BANK1: variants seen among roughly 807,000 people sequenced by gnomAD.
BANK1 encodes B cell scaffold protein with ankyrin repeats 1, also known as B-cell scaffold protein with ankyrin repeats.
BANK1 carries 95 observed loss-of-function variants against 94.5 expected under a neutral mutation model. The observed-to-expected ratio is 1.00, with a 90% CI of 0.85 to 1.19. BANK1 has a LOEUF of 1.19. Among genes scored for constraint, BANK1 ranks in the 50% most tolerant of loss-of-function variants. BANK1 has a pLI of 0.00. For missense variants in BANK1, 987 were observed against 932.2 expected, an observed-to-expected ratio of 1.06 and a Z score of -0.77; for synonymous variants, 334 against 308.4, an observed-to-expected ratio of 1.08 and a Z score of -0.87.
At chr4:101,938,605 TAA>T (rs1308025709) in intron 7 of BANK1, among the ~76,000 whole-genome samples, 1 of 151,430 alleles carries the variant, frequency 6.6e-6, no homozygotes, top group Non-Finnish European at 1.5e-5. Flanking sequence ...AGATTAAAAG[TAA>T]AAAAGTTACC....
At chr4:102,034,865 C>T (rs891034908) in intron 10 of BANK1, among the ~76,000 whole-genome samples, 9 of 152,176 alleles carry the variant, frequency 5.9e-5, no homozygotes, top group Non-Finnish European at 1.3e-4. Context: ...GAGTACATGG[C>T]ACCACAAATT....
At chr4:102,067,661 T>C (rs763472696) in intron 13 of BANK1, among the ~76,000 whole-genome samples, 31 of 151,740 alleles carry the variant, frequency 2.0e-4, no homozygotes, top group Non-Finnish European at 4.1e-4. Flanking sequence ...ATATTATATA[T>C]ATGAATTTTA....
chr4:102,044,235 T>A (rs896361356), intron 11 of BANK1, among the ~76,000 whole-genome samples: 1 of 152,026 alleles, frequency 6.6e-6, no homozygotes, highest in Admixed American at 6.6e-5. Context: ...CCTGTGTCCA[T>A]GTGATCTCAT....
At chr4:101,822,281 G>A (rs13136118) in intron 1 of BANK1, among the ~76,000 whole-genome samples, 24,825 of 151,700 alleles carry the variant, frequency 0.16, 2,576 homozygotes, top group Non-Finnish European at 0.22. Flanking sequence ...GAGATGGGAC[G>A]ATCGCTTAAG....
chr4:101,854,247 A>T (rs747637587), intron 2 of BANK1, among the ~76,000 whole-genome samples: 10 of 152,174 alleles, frequency 6.6e-5, no homozygotes, highest in Non-Finnish European at 1.3e-4. Context: ...TCTGTGCCAT[A>T]GTGAAACATT....
intron 7 of BANK1, among the ~76,000 whole-genome samples, chr4:101,936,607 C>T (rs1723570863): frequency 6.7e-6 from 1 of 150,298 alleles, no homozygotes. Context: ...CAGAAACACT[C>T]TATAGGAAAA....
chr4:101,854,719 GTTT>G (rs1236155002), intron 2 of BANK1, among the ~76,000 whole-genome samples: 1 of 151,894 alleles, frequency 6.6e-6, no homozygotes, highest in Admixed American at 6.6e-5. Flanking sequence ...ATGGTTTTAT[GTTT>G]TACAGATCTA....
At chr4:101,906,096 C>T (rs1313195884) in intron 6 of BANK1, among the ~76,000 whole-genome samples, 2 of 152,040 alleles carry the variant, frequency 1.3e-5, no homozygotes, top group Non-Finnish European at 2.9e-5. Context: ...CTGGGCATTG[C>T]GAGCAGCCTG....
intron 7 of BANK1, among the ~76,000 whole-genome samples, chr4:101,942,361 G>A (rs1260253867): frequency 6.6e-6 from 1 of 151,842 alleles, no homozygotes; most frequent in Non-Finnish European, 1.5e-5. Flanking sequence ...ACAGAGCACA[G>A]AGCCTGTAGT....
chr4:101,911,487 A>G (rs1368494528), intron 6 of BANK1, among the ~76,000 whole-genome samples: 1 of 152,162 alleles, frequency 6.6e-6, no homozygotes, highest in Admixed American at 6.6e-5. Context: ...CCTTATGGGT[A>G]AATACTGCCC....
intron 7 of BANK1, among the ~76,000 whole-genome samples, chr4:101,963,628 A>G (rs1293889150): frequency 6.6e-6 from 1 of 152,122 alleles, no homozygotes; most frequent in Non-Finnish European, 1.5e-5. Flanking sequence ...TTTATTCATT[A>G]ATTCATTTAG....
intron 7 of BANK1, among the ~76,000 whole-genome samples, chr4:102,003,692 T>C (rs1045701645): frequency 1.3e-5 from 2 of 152,034 alleles, no homozygotes; most frequent in African/African-American, 2.4e-5. Flanking sequence ...AGAACATAAA[T>C]ATTTGCTATT....
intron 1 of BANK1, among the ~76,000 whole-genome samples, chr4:101,812,245 C>T (rs1198536420): frequency 6.6e-6 from 1 of 151,748 alleles, no homozygotes; most frequent in Non-Finnish European, 1.5e-5. Context: ...AAAGAATAAA[C>T]TGTATCTTTA....
At position 102,003,950 on chromosome 4, in the gene BANK1, CA is replaced by C. The variant is rs1485382581; in HGVS notation, c.1207-17563del. On this transcript the variant is annotated intron_variant, in intron 7 of 16. Coordinates refer to ENST00000322953, the MANE Select transcript of BANK1 (RefSeq NM_017935.5). ...GTATATGTGTATATACGTATATATA[CA>C]CACATATATGTGTATACATCTATAT... 2.7e-5 allele frequency among the ~76,000 whole-genome samples: 4 copies of C among 149,714 alleles called. No individual in the cohort carries two copies. In the East Asian group the frequency reaches 7.9e-4, roughly 29 times the overall value.
intron 16 of BANK1, 86 bp downstream of exon 16, chr4:102,073,834 A>AT (rs907201100): frequency 9.4e-6 from 10 of 1,068,644 alleles, no homozygotes; most frequent in Admixed American, 4.6e-5. Flanking sequence ...AAAAAACAGA[A>AT]TTTTTTAAAG....
intron 10 of BANK1, among the ~76,000 whole-genome samples, 168 bp downstream of exon 10, chr4:102,030,433 T>A (rs776209435): frequency 6.6e-6 from 1 of 151,612 alleles, no homozygotes; most frequent in South Asian, 2.1e-4. Flanking sequence ...CCACTAAGAG[T>A]ATTTTTTTAT....
intron 7 of BANK1, among the ~76,000 whole-genome samples, chr4:102,004,032 A>G (rs1726166838): frequency 1.3e-5 from 2 of 151,688 alleles, no homozygotes; most frequent in South Asian, 4.2e-4. Context: ...TAAAATGACA[A>G]CCCCAGTCTG....
intron 7 of BANK1, among the ~76,000 whole-genome samples, chr4:101,932,927 C>T (rs965393894): frequency 4.0e-5 from 6 of 151,436 alleles, no homozygotes; most frequent in South Asian, 2.1e-4. Flanking sequence ...ATGGATCTGG[C>T]AAAGGTGTTT....
In BANK1 at chr4:102,012,444, G is replaced by A. The variant is rs142172534; in HGVS notation, c.1207-9070G>A. ...TACTTGGAAGGGAGGGATTATTCCA[G>A]CCATATGAACACCTACTGGAAATAG... On this transcript the variant is annotated intron_variant, in intron 7 of 16. Coordinates refer to ENST00000322953, the MANE Select transcript of BANK1 (RefSeq NM_017935.5). Among the ~76,000 whole-genome samples, 663 of 152,152 alleles carry A rather than the reference G, an allele frequency of 4.4e-3. 6 individuals carry two copies. Among genetic ancestry groups the A allele is most frequent in the Non-Finnish European group, 6.3e-3 (429 of 67,960 alleles).
Sources: gnomAD v4.1 joint callset for allele counts (sites outside exome capture counted in the v4.1 genomes callset) on GRCh38, gnomAD v4.1.1 for gene constraint, MANE v1.5 for transcripts, NCBI Gene and HGNC (gene_info 2026-07-23, HGNC 2026-07-21) for gene names.